The following IQCE variants were observed in gnomAD, a reference collection of about 807,000 sequenced individuals.
IQCE encodes the protein IQ domain-containing protein E.
In IQCE, 115 loss-of-function variants were observed where a neutral mutation model predicts 96.0. The ratio of observed to expected loss-of-function variants is 1.20; its 90% CI spans 1.03 to 1.40. The LOEUF (loss-of-function observed/expected upper bound fraction) is 1.40. IQCE is among the 40% of genes most tolerant of loss of function. The probability of loss-of-function intolerance (pLI) is 0.00; values close to 1 mark genes in which losing one functional copy is unlikely to be tolerated. For missense variants in IQCE, 1,041 were observed against 909.1 expected (o/e 1.15, Z -1.87); for synonymous variants, 412 against 371.2 (o/e 1.11, Z -1.26).
At chr7:2,576,941 C>T (rs1488660845) in intron 6 of IQCE, among the ~76,000 whole-genome samples, 2 of 152,128 alleles carry the variant, frequency 1.3e-5, no homozygotes, top group East Asian at 3.8e-4. Context: ...TGGCGGTATT[C>T]GTTTAGGCGC....
At chr7:2,598,813 T>A (rs945484562) in intron 17 of IQCE, 181 bp downstream of exon 17, 3 of 465,100 alleles carry the variant, frequency 6.5e-6, no homozygotes, top group Middle Eastern at 5.6e-4. Flanking sequence ...CTGGGTGCGT[T>A]TTGTGCAGTA....
rs1274421306 is a variant in IQCE at position 2,594,861 on chromosome 7, C to G, written c.1350-25C>G. 11 of 1,536,688 alleles carry G rather than the reference C, an allele frequency of 7.2e-6. No individual in the cohort carries two copies. The African/African-American group carries it at 1.1e-4, about 15-fold the overall frequency. Reference sequence around the variant, plus strand: ...CATCACATAGTGACAGGTGAGGTGTCTCATCTTTTCCCTTTCCGCCTTAGA... The same window carrying G: ...CATCACATAGTGACAGGTGAGGTGTGTCATCTTTTCCCTTTCCGCCTTAGA... On this transcript the variant is annotated intron_variant, in intron 15 of 21. Transcript: ENST00000402050.
chr7:2,572,628 A>C (rs994506910), intron 5 of IQCE: 84 of 545,092 alleles, frequency 1.5e-4, no homozygotes, highest in Admixed American at 3.0e-4. Flanking sequence ...GATATTAGGA[A>C]CAAATACTAA....
At chr7:2,559,261 G>A (rs1780732620) in intron 1 of IQCE, 44 bp downstream of exon 1, 5 of 1,173,258 alleles carry the variant, frequency 4.3e-6, no homozygotes, top group Non-Finnish European at 5.3e-6. Flanking sequence ...CGTCCGCGAG[G>A]CCTCGGCTCG....
At chr7:2,590,317 C>T (rs1783492207) in intron 14 of IQCE, among the ~76,000 whole-genome samples, 1 of 152,246 alleles carries the variant, frequency 6.6e-6, no homozygotes, top group South Asian at 2.1e-4. Context: ...ACCAGGGAAG[C>T]AGCTCTCACT....
Position 2,611,935 on chromosome 7 carries a change from A to C in IQCE, c.*1773A>C, listed in dbSNP as rs1164839900. ...GCCTTCACCCCACCCGCCCGGGTCC[A>C]CTCCCTGGGGCGCTGTCCCAAGCCA... On this transcript the variant is annotated 3_prime_UTR_variant, in exon 22 of 22. Transcript: ENST00000402050. 6.6e-6 allele frequency: 1 copy of C among 150,826 alleles called. No individual in the cohort carries two copies. The highest frequency in any genetic ancestry group is 2.5e-5 in the African/African-American group (1 of 40,816). 9.3% of individuals were successfully genotyped at this position (150,826 alleles called of 1,614,324 possible).
chr7:2,579,789 G>A (rs1165524311), intron 8 of IQCE, among the ~76,000 whole-genome samples: 1 of 151,594 alleles, frequency 6.6e-6, no homozygotes, highest in African/African-American at 2.4e-5. Flanking sequence ...TGTTGCCCAG[G>A]CTGGCGTGCA....
intron 9 of IQCE, among the ~76,000 whole-genome samples, chr7:2,583,091 CCCT>C (rs1356605461): frequency 1.3e-5 from 2 of 152,172 alleles, no homozygotes; most frequent in African/African-American, 2.4e-5. Context: ...AATAGTTCCC[CCCT>C]CGTTTCCTGC....
chr7:2,589,834 C>G (rs1783438546), intron 13 of IQCE, 73 bp from the exon 14 acceptor site: 1 of 1,480,972 alleles, frequency 6.8e-7, no homozygotes, highest in African/African-American at 1.4e-5. Context: ...GGTTCAGTGT[C>G]TCTTTTCTGG....
At position 2,610,655 on chromosome 7, in the gene IQCE, C is replaced by CCCCAT. The variant is rs1785065250; in HGVS notation, c.*497_*501dup. 1 of 160,996 alleles carries CCCCAT rather than the reference C, an allele frequency of 6.2e-6. No individual in the cohort carries two copies. The highest frequency in any genetic ancestry group is 2.4e-5 in the African/African-American group (1 of 41,688). The allele number at this position is 160,996 out of a possible 1,614,324, so 10.0% of individuals were successfully genotyped here. A position where few individuals can be genotyped will look rare whatever the true frequency, so the allele number is the denominator to read the frequency against. ...CTTAGGAAGGTGTGAGACCGGCTTC[C>CCCCAT]CCCATCCCCACAGCAAAACACGGCC... On this transcript the variant is annotated 3_prime_UTR_variant, in exon 22 of 22. Coordinates refer to ENST00000402050, the MANE Select transcript of IQCE (RefSeq NM_152558.5).
At chr7:2,607,810 C>A (rs1415070190) in intron 21 of IQCE, among the ~76,000 whole-genome samples, 1 of 152,200 alleles carries the variant, frequency 6.6e-6, no homozygotes, top group Admixed American at 6.5e-5. Flanking sequence ...TCTTATCCTG[C>A]AATTAGAAAC....
intron 2 of IQCE, 113 bp from the exon 3 acceptor site, chr7:2,568,841 A>G: frequency 1.1e-6 from 1 of 949,514 alleles, no homozygotes; most frequent in Non-Finnish European, 1.6e-6. Flanking sequence ...CCGTAAGCTC[A>G]CGTCCTCTTG....
intron 18 of IQCE, 60 bp downstream of exon 18, chr7:2,601,524 G>T: frequency 8.5e-7 from 1 of 1,175,050 alleles, no homozygotes; most frequent in South Asian, 1.2e-5. Flanking sequence ...AAAAGTAGGT[G>T]AGGGGATATT....
At position 2,578,470 on chromosome 7, in the gene IQCE, C is replaced by CCA. The variant is rs1782387243; in HGVS notation, c.580-3_580-2dup. The CCA allele has an allele frequency of 1.2e-6, 2 of 1,614,044 alleles. No individual in the cohort carries two copies. On this transcript the variant is annotated splice_region_variant and splice_polypyrimidine_tract_variant and intron_variant, in intron 7 of 21. Coordinates refer to ENST00000402050, the MANE Select transcript of IQCE (RefSeq NM_152558.5). Reference sequence around the variant, plus strand: ...CCGTCTTCATGTCTCAATCTGCTTACCACAGGGCACGGATTTTGTTCGGAC... The same window carrying CCA: ...CCGTCTTCATGTCTCAATCTGCTTACCACACAGGGCACGGATTTTGTTCGGAC...
At position 2,590,080 on chromosome 7, in the gene IQCE, G is replaced by A; in HGVS notation, c.1218G>A (p.Ala406=). The change falls in exon 14 of 22, where the codon GCG becomes GCA. Residue 406 remains alanine (A), a synonymous_variant. Transcript: ENST00000402050. ...AVRDLKEERT[A]LQEQLLQRDL... is the part of the protein sequence containing the mutation. The stretch of plus-strand genomic sequence containing the variant: ...GAGACCTGAAGGAAGAGCGGACCGC[G>A]CTGCAGGAGCAGCTGCTGCAGAGAG... 12 of 1,612,896 alleles carry A rather than the reference G, an allele frequency of 7.4e-6. No individual in the cohort carries two copies. The highest frequency in any genetic ancestry group is 1.0e-5 in the Non-Finnish European group (12 of 1,179,700).
At chr7:2,592,283 C>G (rs1284477872) in intron 14 of IQCE, among the ~76,000 whole-genome samples, 2 of 152,208 alleles carry the variant, frequency 1.3e-5, no homozygotes, top group East Asian at 1.9e-4. Flanking sequence ...TCACGACAAG[C>G]TTTTCCAATT....
At position 2,594,940 on chromosome 7, in the gene IQCE, A is replaced by G; in HGVS notation, c.1404A>G (p.Lys468=). Residue 468 remains lysine (K), a synonymous_variant, in exon 16 of 22, where the codon AAA becomes AAG. Coordinates refer to ENST00000402050, the MANE Select transcript of IQCE (RefSeq NM_152558.5). ...SKLQELQEMK[K]EEKEDCPEVP... is the part of the protein sequence containing the mutation. ...TCCAAGAATTGCAAGAAATGAAGAA[A>G]GAAGAGAAAGAGGATTGCCCGGAAG... 1 of 1,613,938 alleles carries G rather than the reference A, an allele frequency of 6.2e-7. No homozygotes were observed. Among genetic ancestry groups the G allele is most frequent in the Non-Finnish European group, 8.5e-7 (1 of 1,179,824 alleles).
At chr7:2,584,739 C>T (rs1330684485) in intron 11 of IQCE, 1 of 170,618 alleles carries the variant, frequency 5.9e-6, no homozygotes, top group Non-Finnish European at 1.3e-5. Context: ...TTCTGGGTGG[C>T]TGATCTCTGA....
chr7:2,595,663 G>T (rs371652340), intron 16 of IQCE, among the ~76,000 whole-genome samples: 3 of 151,904 alleles, frequency 2.0e-5, no homozygotes, highest in African/African-American at 7.3e-5. Context: ...CACCATGGCC[G>T]GTGCTGCACT....
Sources: allele counts gnomAD v4.1 joint callset (sites outside exome capture counted in the v4.1 genomes callset), GRCh38; gene constraint gnomAD v4.1.1; transcripts MANE v1.5; gene names NCBI Gene and HGNC (gene_info 2026-07-23, HGNC 2026-07-21).